DLG2: variants seen among roughly 807,000 people sequenced by gnomAD.
DLG2 encodes disks large homolog 2.
A neutral mutation model predicts 132.5 loss-of-function variants in DLG2; 45 were observed. That is an observed-to-expected ratio of 0.34 (90% confidence interval 0.27 to 0.44). DLG2 has a LOEUF of 0.44. Among genes scored for constraint, DLG2 ranks in the 20% least tolerant of loss-of-function variants. DLG2 has a pLI of 1.00. For missense variants in DLG2, 1,045 were observed against 1,196.9 expected, an observed-to-expected ratio of 0.87 and a Z score of 1.87; for synonymous variants, 424 against 419.6, an observed-to-expected ratio of 1.01 and a Z score of -0.13.
At chr11:85,396,958 C>T (rs1596897276) in intron 3 of DLG2, among the ~76,000 whole-genome samples, 1 of 152,060 alleles carries the variant, frequency 6.6e-6, no homozygotes, top group Admixed American at 6.6e-5. Context: ...AGAAGAGCAA[C>T]CCCAAGACAT....
intron 3 of DLG2, among the ~76,000 whole-genome samples, chr11:85,522,227 G>A (rs1265288538): frequency 1.3e-5 from 2 of 152,138 alleles, no homozygotes; most frequent in Non-Finnish European, 2.9e-5. Context: ...TCAGAGGGTG[G>A]AAGCCCCAAG....
intron 6 of DLG2, among the ~76,000 whole-genome samples, chr11:84,787,460 A>G (rs2073105821): frequency 1.3e-5 from 2 of 152,028 alleles, no homozygotes; most frequent in South Asian, 4.1e-4. Context: ...AAACTCTCAT[A>G]GCTCCACTAC....
chr11:84,782,382 G>A (rs147829429), intron 6 of DLG2, among the ~76,000 whole-genome samples: 1 of 151,602 alleles, frequency 6.6e-6, no homozygotes, highest in African/African-American at 2.4e-5. Flanking sequence ...CTTTCCCACT[G>A]GCTTCCTACC....
At chr11:84,537,909 C>T (rs552902525) in intron 6 of DLG2, among the ~76,000 whole-genome samples, 61 of 152,294 alleles carry the variant, frequency 4.0e-4, no homozygotes, top group African/African-American at 1.4e-3. Flanking sequence ...CTATAAAATG[C>T]TGTGAACTCA....
chr11:84,254,307 C>A (rs1439204387), intron 7 of DLG2, among the ~76,000 whole-genome samples: 1 of 151,924 alleles, frequency 6.6e-6, no homozygotes, highest in Non-Finnish European at 1.5e-5. Context: ...CTATGTAATG[C>A]CATTTAAAAC....
rs547271810 is a variant in DLG2, at chr11:83,620,824, C to T, written c.1940+12387G>A. ...GGCGGAGCTTGCAGTGAGCCGAGAT[C>T]CCGCCACTGCACTCCAGCCTGGGCG... On this transcript the variant is annotated intron_variant, in intron 19 of 27. Coordinates refer to ENST00000376104, the MANE Select transcript of DLG2 (RefSeq NM_001142699.3). Among the ~76,000 whole-genome samples, 48 of 142,198 alleles carry T rather than the reference C, an allele frequency of 3.4e-4. No individual in the cohort carries two copies. In the East Asian group the frequency reaches 9.1e-3, roughly 27 times the overall value. 93.3% of individuals were successfully genotyped at this position (142,198 alleles called of 152,430 possible).
Position 84,259,486 on chromosome 11 carries a change from C to T in DLG2, c.520-8195G>A, listed in dbSNP as rs569080732. ...CCCCTGCTCTACGGAGACATAAGAC[C>T]GCTGGACTTACTGAGACACGAACAG... On this transcript the variant is annotated intron_variant, in intron 7 of 27. Coordinates refer to ENST00000376104, the MANE Select transcript of DLG2 (RefSeq NM_001142699.3). Among the ~76,000 whole-genome samples, 62 of 152,148 alleles carry T rather than the reference C, an allele frequency of 4.1e-4. No individual in the cohort carries two copies. In the South Asian group the frequency reaches 0.012, roughly 29 times the overall value.
rs563255941 is a variant in DLG2, at chr11:85,537,721, T to A, written c.40+60936A>T. ...ACACTCACTGTGAAGGTCTGCAGCTTCACTCCTGAAGTCAGTGAGACCACG... is the reference window on the plus strand; with the variant it reads ...ACACTCACTGTGAAGGTCTGCAGCTACACTCCTGAAGTCAGTGAGACCACG... On this transcript the variant is annotated intron_variant, in intron 3 of 27. Coordinates refer to ENST00000376104, the MANE Select transcript of DLG2 (RefSeq NM_001142699.3). 2.6e-5 allele frequency among the ~76,000 whole-genome samples: 4 copies of A among 152,030 alleles called. No individual in the cohort carries two copies. In the East Asian group the frequency reaches 7.7e-4, roughly 29 times the overall value.
intron 13 of DLG2, 88 bp from the exon 14 acceptor site, chr11:83,963,111 C>A: frequency 6.9e-7 from 1 of 1,447,954 alleles, no homozygotes; most frequent in South Asian, 1.2e-5. Flanking sequence ...GTATTAAAAA[C>A]AGAAAGGCTT....
At chr11:84,682,871 T>C (rs1053262640) in intron 6 of DLG2, among the ~76,000 whole-genome samples, 6 of 152,064 alleles carry the variant, frequency 3.9e-5, no homozygotes, top group African/African-American at 9.7e-5. Flanking sequence ...GAGAAGAGGG[T>C]ATGGGCTTCA....
intron 15 of DLG2, among the ~76,000 whole-genome samples, chr11:83,921,239 A>G (rs1435754919): frequency 6.6e-6 from 1 of 152,164 alleles, no homozygotes; most frequent in Non-Finnish European, 1.5e-5. Flanking sequence ...CATAGTTGCC[A>G]TCATCATCAT....
chr11:84,338,587 G>A (rs1424986321), intron 7 of DLG2, among the ~76,000 whole-genome samples: 2 of 152,116 alleles, frequency 1.3e-5, no homozygotes, highest in Non-Finnish European at 2.9e-5. Flanking sequence ...CACTTTGGGA[G>A]GCCAAGGCGG....
intron 18 of DLG2, among the ~76,000 whole-genome samples, chr11:83,715,499 C>G (rs2153671270): frequency 6.6e-6 from 1 of 152,270 alleles, no homozygotes; most frequent in Admixed American, 6.5e-5. Flanking sequence ...AGGCCTATAC[C>G]TGACATTTCC....
intron 7 of DLG2, among the ~76,000 whole-genome samples, chr11:84,502,247 C>CT (rs1457279165): frequency 4.3e-4 from 15 of 35,202 alleles, no homozygotes; most frequent in African/African-American, 4.1e-3. Flanking sequence ...TCCTTCCTTC[C>CT]TTCCTTCCTT....
intron 17 of DLG2, among the ~76,000 whole-genome samples, chr11:83,787,340 T>G (rs7951943): frequency 0.28 from 28,078 of 98,998 alleles, 6,650 homozygotes; most frequent in African/African-American, 0.42. Context: ...TTTTTTTTTT[T>G]AGACAGAGTC....
intron 7 of DLG2, among the ~76,000 whole-genome samples, chr11:84,512,151 C>T (rs895267270): frequency 6.6e-6 from 1 of 152,092 alleles, no homozygotes; most frequent in Non-Finnish European, 1.5e-5. Flanking sequence ...CATGGCATTT[C>T]CAAAAGCAAT....
intron 3 of DLG2, among the ~76,000 whole-genome samples, chr11:85,497,793 G>A (rs1444208799): frequency 2.0e-5 from 3 of 152,146 alleles, no homozygotes; most frequent in Non-Finnish European, 4.4e-5. Flanking sequence ...TTAAAGAAAA[G>A]AATTTTCAAT....
At chr11:85,115,617 G>C (rs142346371) in intron 5 of DLG2, among the ~76,000 whole-genome samples, 2 of 152,046 alleles carry the variant, frequency 1.3e-5, no homozygotes, top group Non-Finnish European at 2.9e-5. Context: ...TGAGGCAAAA[G>C]GTGGAAGTAT....
At chr11:83,680,895 C>CT (rs2078668830) in intron 18 of DLG2, among the ~76,000 whole-genome samples, 2 of 137,172 alleles carry the variant, frequency 1.5e-5, no homozygotes, top group Non-Finnish European at 3.3e-5. Flanking sequence ...AAAATGCATA[C>CT]ATTTTTTTCA....
Sources: allele counts gnomAD v4.1 joint callset (sites outside exome capture counted in the v4.1 genomes callset), GRCh38; gene constraint gnomAD v4.1.1; transcripts MANE v1.5; gene names NCBI Gene and HGNC (gene_info 2026-07-23, HGNC 2026-07-21).